Variants in MYO5B observed in about 807,000 individuals in gnomAD.
The protein encoded by MYO5B is unconventional myosin-Vb.
A neutral mutation model predicts 229.3 loss-of-function variants in MYO5B; 143 were observed. The ratio of observed to expected loss-of-function variants is 0.62; its 90% confidence interval spans 0.54 to 0.72. The LOEUF (loss-of-function observed/expected upper bound fraction) is 0.72. Among genes scored for constraint, MYO5B ranks in the 30% least tolerant of loss-of-function variants. The pLI is 0.00. For missense variants in MYO5B, 2,321 were observed against 2,331.0 expected (o/e 1.00, Z 0.09); for synonymous variants, 918 against 885.2 (o/e 1.04, Z -0.66).
intron 1 of MYO5B, 113 bp from the exon 2 acceptor site, chr18:50,055,491 A>C (rs1361242783): frequency 1.3e-6 from 1 of 774,002 alleles, no homozygotes; most frequent in Non-Finnish European, 2.2e-6. Context: ...CTATCTGCAC[A>C]CATCTCCCCA....
chr18:49,859,389 G>C (rs567982816), intron 29 of MYO5B, among the ~76,000 whole-genome samples: 3 of 152,160 alleles, frequency 2.0e-5, no homozygotes, highest in African/African-American at 7.2e-5. Flanking sequence ...CCATGGCCCC[G>C]CCACAGTTAA....
intron 2 of MYO5B, among the ~76,000 whole-genome samples, chr18:50,045,313 G>T (rs1247658673): frequency 6.6e-6 from 1 of 152,176 alleles, no homozygotes; most frequent in Non-Finnish European, 1.5e-5. Context: ...AATTACAGCT[G>T]TTTGCAAACA....
At chr18:50,057,770 T>C (rs1370825613) in intron 1 of MYO5B, among the ~76,000 whole-genome samples, 2 of 152,174 alleles carry the variant, frequency 1.3e-5, no homozygotes, top group African/African-American at 4.8e-5. Context: ...AATGGTACTT[T>C]AGCTCCTTGC....
In MYO5B at chr18:49,853,485, A is replaced by G. The variant is rs1367508345; in HGVS notation, c.4185T>C (p.Val1395=). 1.9e-6 allele frequency: 3 copies of G among 1,613,956 alleles called. No individual in the cohort carries two copies. The highest frequency in any genetic ancestry group is 1.7e-5 in the Admixed American group (1 of 59,994). The change falls in exon 31 of 40, where the codon GTT becomes GTC. Residue 1395 remains valine (V), a synonymous_variant. Transcript: ENST00000285039. ...LSPEAQVEFG[V]QQEISRLTNE... is the part of the protein sequence containing the mutation. ...TGGTCAGCCGGGATATTTCCTGCTG[A>G]ACGCCGAATTCCACCTGGGCCTCTG...
chr18:49,949,392 A>T (rs1344688295), intron 14 of MYO5B, among the ~76,000 whole-genome samples: 1 of 152,214 alleles, frequency 6.6e-6, no homozygotes, highest in Non-Finnish European at 1.5e-5. Flanking sequence ...TCTGTTAATA[A>T]CTTGAAGTCA....
intron 4 of MYO5B, among the ~76,000 whole-genome samples, chr18:50,003,899 T>A (rs1258305013): frequency 6.6e-6 from 1 of 152,124 alleles, no homozygotes; most frequent in African/African-American, 2.4e-5. Flanking sequence ...AGGAAATGAA[T>A]CCCATCAGTG....
intron 2 of MYO5B, among the ~76,000 whole-genome samples, chr18:50,052,838 G>A (rs1384665551): frequency 6.6e-6 from 1 of 152,176 alleles, no homozygotes; most frequent in African/African-American, 2.4e-5. Flanking sequence ...CTGTCTTCAA[G>A]AGGGGACAAG....
chr18:50,159,843 G>A (rs532216576), intron 1 of MYO5B, among the ~76,000 whole-genome samples: 34 of 152,130 alleles, frequency 2.2e-4, no homozygotes, highest in Non-Finnish European at 4.0e-4. Context: ...TGCACATTCC[G>A]TGTGGCACTG....
intron 36 of MYO5B, 23 bp downstream of exon 36, chr18:49,839,121 T>A: frequency 2.5e-6 from 4 of 1,612,276 alleles, no homozygotes; most frequent in Non-Finnish European, 2.5e-6. Context: ...ATGAGTGATG[T>A]AGCTCTCCTG....
chr18:49,837,907 C>T, intron 36 of MYO5B, 105 bp from the exon 37 acceptor site: 1 of 1,416,764 alleles, frequency 7.1e-7, no homozygotes, highest in Non-Finnish European at 9.9e-7. Context: ...TGATACCATC[C>T]AGAGGTGTGC....
Position 49,974,471 on chromosome 18 carries a change from G to C in MYO5B, c.1201C>G (p.Arg401Gly). 1 of 1,614,142 alleles carries C rather than the reference G, an allele frequency of 6.2e-7. No individual in the cohort carries two copies. Among genetic ancestry groups the C allele is most frequent in the Non-Finnish European group, 8.5e-7 (1 of 1,180,022 alleles). ...TAGATGTGCTTCGCCAGGGCGTTGC[G>C]CGCATTGATCACCTGCTGCAGGGAC... ...TMSLQQVINA[R>G]NALAKHIYAQ... Residue 401 changes from arginine to glycine, a missense_variant, in exon 10 of 40, where the codon CGC becomes GGC. Physicochemically the swap from Arg to Gly is moderately radical, Grantham distance 125. Around this residue, in one of 2 missense-constraint regions of MYO5B, gnomAD observed 2,113 missense variants for 2,044.7 expected, o/e 1.03. Transcript: ENST00000285039.
rs76040682 is a variant in MYO5B, at chr18:49,870,511, A to T, written c.3603+1656T>A. On this transcript the variant is annotated intron_variant, in intron 27 of 39. Transcript: ENST00000285039. ...AAAGATGACCCACAGAATGGGAGAA[A>T]CTATTTGCCAATCATGTATCTGATA... Among the ~76,000 whole-genome samples, 1,193 of 152,344 alleles carry T rather than the reference A, an allele frequency of 7.8e-3. 11 individuals carry two copies. Among genetic ancestry groups the T allele is most frequent in the African/African-American group, 0.027 (1,105 of 41,580 alleles).
chr18:50,070,303 C>T (rs778540618), intron 1 of MYO5B, among the ~76,000 whole-genome samples: 9 of 151,994 alleles, frequency 5.9e-5, no homozygotes, highest in Non-Finnish European at 1.0e-4. Flanking sequence ...GGACTACAAG[C>T]GTGAGCTATC....
At chr18:49,901,145 C>G (rs947070044) in intron 21 of MYO5B, among the ~76,000 whole-genome samples, 6 of 152,222 alleles carry the variant, frequency 3.9e-5, no homozygotes, top group Admixed American at 3.9e-4. Flanking sequence ...TGCTGTTCAG[C>G]CTGTTGGCAT....
chr18:49,884,669 C>G (rs1379980246), intron 22 of MYO5B, among the ~76,000 whole-genome samples: 1 of 152,094 alleles, frequency 6.6e-6, no homozygotes, highest in Non-Finnish European at 1.5e-5. Context: ...CTCACTTGCC[C>G]ACCACTCACC....
intron 1 of MYO5B, among the ~76,000 whole-genome samples, chr18:50,093,760 T>C (rs1036463012): frequency 1.3e-5 from 2 of 148,688 alleles, no homozygotes; most frequent in African/African-American, 5.0e-5. Context: ...TATACTGCGT[T>C]AATATGCTAA....
intron 4 of MYO5B, among the ~76,000 whole-genome samples, chr18:50,006,124 A>C (rs1369022780): frequency 6.6e-6 from 1 of 152,174 alleles, no homozygotes; most frequent in African/African-American, 2.4e-5. Flanking sequence ...GATACTGCCT[A>C]CCTTTGACAT....
chr18:49,920,609 T>G (rs1424754060), intron 17 of MYO5B, among the ~76,000 whole-genome samples: 1 of 152,082 alleles, frequency 6.6e-6, no homozygotes. Context: ...TGGCTCCGAG[T>G]TGGAGCTGAG....
chr18:49,935,212 G>A (rs567206883), intron 16 of MYO5B, among the ~76,000 whole-genome samples: 46 of 152,198 alleles, frequency 3.0e-4, no homozygotes, highest in Non-Finnish European at 4.9e-4. Context: ...TGAAGGAGAC[G>A]GAAGAATCAA....
Sources: allele counts gnomAD v4.1 joint callset (sites outside exome capture counted in the v4.1 genomes callset), GRCh38; gene constraint gnomAD v4.1.1; regional missense constraint gnomAD v4.1.1; transcripts MANE v1.5; gene names NCBI Gene and HGNC (gene_info 2026-07-23, HGNC 2026-07-21).